EPS8: variants seen among roughly 807,000 people sequenced by gnomAD.
The protein encoded by EPS8 is epidermal growth factor receptor kinase substrate 8.
EPS8 carries 42 observed loss-of-function variants against 103.8 expected under a neutral mutation model. The observed-to-expected ratio is 0.40, with a 90% CI of 0.32 to 0.52. EPS8 has a LOEUF of 0.52. Ranked by LOEUF, EPS8 falls within the 20% of genes least tolerant of loss-of-function variation. The pLI is 0.40. For missense variants in EPS8, 969 were observed against 1,005.1 expected, an observed-to-expected ratio of 0.96 and a Z score of 0.49; for synonymous variants, 344 against 344.6, an observed-to-expected ratio of 1.00 and a Z score of 0.02.
intron 1 of EPS8, among the ~76,000 whole-genome samples, chr12:15,723,318 T>A (rs923544498): frequency 1.8e-4 from 27 of 152,142 alleles, no homozygotes; most frequent in Admixed American, 5.2e-4. Context: ...CTCAAAAAAA[T>A]ATATATATAT....
chr12:15,711,498 G>A (rs1437743198), intron 1 of EPS8, among the ~76,000 whole-genome samples: 1 of 152,102 alleles, frequency 6.6e-6, no homozygotes, highest in East Asian at 1.9e-4. Context: ...GCAGACACAA[G>A]GGTATCTTAC....
chr12:15,687,981 G>A (rs1009373796), intron 1 of EPS8, among the ~76,000 whole-genome samples: 1 of 152,156 alleles, frequency 6.6e-6, no homozygotes, highest in East Asian at 1.9e-4. Context: ...TTTGAAGGAA[G>A]TACTATTCTT....
At chr12:15,640,653 T>C in intron 17 of EPS8, 50 bp downstream of exon 17, 1 of 1,546,176 alleles carries the variant, frequency 6.5e-7, no homozygotes, top group Non-Finnish European at 8.9e-7. Context: ...TTAAGAGTGA[T>C]AACTTCGTAA....
chr12:15,740,265 G>A (rs1301301317), intron 1 of EPS8, among the ~76,000 whole-genome samples: 2 of 152,138 alleles, frequency 1.3e-5, no homozygotes, highest in East Asian at 3.9e-4. Flanking sequence ...GAAATTCGTA[G>A]GCTGGGAGCG....
rs1186002044 is a variant in EPS8 at position 15,764,825 on chromosome 12, G to A, written c.-22+24336C>T. Among the ~76,000 whole-genome samples the A allele has an allele frequency of 1.3e-5, 2 of 151,822 alleles. No individual in the cohort carries two copies. Among genetic ancestry groups the A allele is most frequent in the Admixed American group, 6.6e-5 (1 of 15,248 alleles). ...GAACATCAGGTCTCATACTTTCTGGGGAATGAAGATCTAATACAAGTAATT... is the reference window on the plus strand; with the variant it reads ...GAACATCAGGTCTCATACTTTCTGGAGAATGAAGATCTAATACAAGTAATT... On this transcript the variant is annotated intron_variant, in intron 1 of 20. Coordinates refer to ENST00000281172, the MANE Select transcript of EPS8 (RefSeq NM_004447.6). This position sits in a 1 kb window ranked among gnomAD's most constrained non-coding sequence, Gnocchi z 4.1.
chr12:15,654,357 G>A, intron 12 of EPS8, 64 bp from the exon 13 acceptor site: 1 of 1,483,526 alleles, frequency 6.7e-7, no homozygotes, highest in Non-Finnish European at 9.3e-7. Flanking sequence ...CAAAATGTGT[G>A]GACAAAAACC....
intron 15 of EPS8, among the ~76,000 whole-genome samples, chr12:15,645,042 AC>A (rs1945297552): frequency 6.6e-6 from 1 of 152,080 alleles, no homozygotes; most frequent in Admixed American, 6.6e-5. Context: ...TGAAATTCTG[AC>A]CACTCTAGAC....
intron 15 of EPS8, among the ~76,000 whole-genome samples, chr12:15,643,857 C>T (rs1476655740): frequency 6.6e-6 from 1 of 151,578 alleles, no homozygotes; most frequent in African/African-American, 2.4e-5. Flanking sequence ...TGATAGAGAG[C>T]AGACATAGAG....
chr12:15,657,048 G>T (rs1487887623), intron 12 of EPS8, among the ~76,000 whole-genome samples: 1 of 152,034 alleles, frequency 6.6e-6, no homozygotes, highest in Non-Finnish European at 1.5e-5. Context: ...ATCCTTTTCT[G>T]CTGAAAACTC....
At chr12:15,707,096 A>C (rs1946397352) in intron 1 of EPS8, among the ~76,000 whole-genome samples, 5 of 152,234 alleles carry the variant, frequency 3.3e-5, no homozygotes, top group Admixed American at 3.3e-4. Flanking sequence ...GGAAAAAGGC[A>C]CATGTTTGAA....
chr12:15,727,247 A>G lies in EPS8; in HGVS notation c.-21-44275T>C, dbSNP rs1946663395. Reference sequence around the variant, plus strand: ...GGATTTAATATCTACCTTTATACGTAGGACTTTACACAACTGGGTTTGCTT... The same window carrying G: ...GGATTTAATATCTACCTTTATACGTGGGACTTTACACAACTGGGTTTGCTT... On this transcript the variant is annotated intron_variant, in intron 1 of 20. Transcript: ENST00000281172. The surrounding 1 kb of genome is among the most constrained non-coding windows in gnomAD (Gnocchi z 4.3). Among the ~76,000 whole-genome samples the G allele has an allele frequency of 6.6e-6, 1 of 152,206 alleles. No homozygotes were observed. Among genetic ancestry groups the G allele is most frequent in the Non-Finnish European group, 1.5e-5 (1 of 68,042 alleles).
In EPS8 at chr12:15,688,315, G is replaced by C. The variant is rs1946123221; in HGVS notation, c.-21-5343C>G. Among the ~76,000 whole-genome samples, 1 of 152,204 alleles carries C rather than the reference G, an allele frequency of 6.6e-6. No individual in the cohort carries two copies. Among genetic ancestry groups the C allele is most frequent in the South Asian group, 2.1e-4 (1 of 4,826 alleles). ...CATTTGCCTAAGTGGTAATGATACG[G>C]AAGGGAAGGGAGTGGTCCCTTTAAA... On this transcript the variant is annotated intron_variant, in intron 1 of 20. Coordinates refer to ENST00000281172, the MANE Select transcript of EPS8 (RefSeq NM_004447.6). This position sits in a 1 kb window ranked among gnomAD's most constrained non-coding sequence, Gnocchi z 5.1.
intron 1 of EPS8, among the ~76,000 whole-genome samples, chr12:15,788,440 G>C (rs994450014): frequency 6.6e-6 from 1 of 152,140 alleles, no homozygotes; most frequent in African/African-American, 2.4e-5. Context: ...GCCGGAGAAC[G>C]GTCGGTGCAA....
intron 1 of EPS8, among the ~76,000 whole-genome samples, chr12:15,737,656 T>C (rs963395673): frequency 1.3e-5 from 2 of 152,152 alleles, no homozygotes; most frequent in Non-Finnish European, 2.9e-5. Context: ...AGTGAAGAAC[T>C]AAAACTGAAA....
intron 1 of EPS8, among the ~76,000 whole-genome samples, chr12:15,715,884 G>GAA (rs938298981): frequency 6.9e-6 from 1 of 144,268 alleles, no homozygotes; most frequent in East Asian, 2.0e-4. Context: ...GGACATTAGG[G>GAA]AAAAAAAAAA....
intron 1 of EPS8, chr12:15,683,225 T>C (rs1041344232): frequency 7.8e-6 from 2 of 257,548 alleles, no homozygotes; most frequent in Non-Finnish European, 1.4e-5. Flanking sequence ...AAATCTAAAA[T>C]ATAGTTCTGA....
rs559033058 is a variant in EPS8 at position 15,702,708 on chromosome 12, A to G, written c.-21-19736T>C. On this transcript the variant is annotated intron_variant, in intron 1 of 20. Coordinates refer to ENST00000281172, the MANE Select transcript of EPS8 (RefSeq NM_004447.6). This position sits in a 1 kb window ranked among gnomAD's most constrained non-coding sequence, Gnocchi z 5.1. The stretch of plus-strand genomic sequence containing the variant: ...TCCAATACAATATATAAATATGAAG[A>G]AAAAAATTGCATGCTTAATATTTTA... Among the ~76,000 whole-genome samples, 60 of 152,248 alleles carry G rather than the reference A, an allele frequency of 3.9e-4. No homozygotes were observed. The highest frequency in any genetic ancestry group is 1.4e-3 in the African/African-American group (59 of 41,512).
intron 18 of EPS8, among the ~76,000 whole-genome samples, chr12:15,627,466 CTT>C: frequency 6.6e-6 from 1 of 152,248 alleles, no homozygotes; most frequent in South Asian, 2.1e-4. Flanking sequence ...ATTCTGCTGA[CTT>C]TTTCACCGAG....
chr12:15,661,080 A>C (rs1476540106), intron 9 of EPS8, among the ~76,000 whole-genome samples: 1 of 152,194 alleles, frequency 6.6e-6, no homozygotes, highest in East Asian at 1.9e-4. Context: ...AAGAGCACTG[A>C]CATTTTTGCT....
Sources: gnomAD v4.1 joint callset for allele counts (sites outside exome capture counted in the v4.1 genomes callset) on GRCh38, gnomAD v4.1.1 for gene constraint, Gnocchi (gnomAD v3.1) non-coding constraint, MANE v1.5 for transcripts, NCBI Gene and HGNC (gene_info 2026-07-23, HGNC 2026-07-21) for gene names.